The following DAB1 variants were observed in gnomAD, a reference collection of about 807,000 sequenced individuals.
DAB1 encodes DAB adaptor protein 1.
In DAB1, 15 loss-of-function variants were observed where a neutral mutation model predicts 64.6. The observed-to-expected ratio is 0.23, with a 90% CI of 0.16 to 0.36. The LOEUF is 0.36. Among genes scored for constraint, DAB1 ranks in the 10% least tolerant of loss-of-function variants. The probability of loss-of-function intolerance (pLI) is 1.00; values close to 1 mark genes in which losing one functional copy is unlikely to be tolerated. For missense variants in DAB1, 596 were observed against 706.7 expected, an observed-to-expected ratio of 0.84 and a Z score of 1.78; for synonymous variants, 235 against 251.9, an observed-to-expected ratio of 0.93 and a Z score of 0.64.
intron 2 of DAB1, among the ~76,000 whole-genome samples, chr1:57,221,598 C>T (rs1254624898): frequency 6.6e-6 from 1 of 152,152 alleles, no homozygotes; most frequent in Non-Finnish European, 1.5e-5. Context: ...TGCATGACTT[C>T]TAGAGACCAT....
intron 1 of DAB1, among the ~76,000 whole-genome samples, chr1:57,320,802 G>A (rs1675649555): frequency 6.6e-6 from 1 of 151,972 alleles, no homozygotes; most frequent in Non-Finnish European, 1.5e-5. Context: ...AACCCTATGT[G>A]GTAGTTATTA....
intron 4 of DAB1, among the ~76,000 whole-genome samples, chr1:58,153,181 G>T (rs1655039359): frequency 6.6e-6 from 1 of 152,158 alleles, no homozygotes; most frequent in Non-Finnish European, 1.5e-5. Context: ...TCTCATTCAT[G>T]CCTTTACCCC....
intron 9 of DAB1, among the ~76,000 whole-genome samples, chr1:57,058,280 G>C (rs907848224): frequency 6.6e-6 from 1 of 152,188 alleles, no homozygotes; most frequent in Non-Finnish European, 1.5e-5. Flanking sequence ...AGTGGAAGAA[G>C]GGCCAGGCAA....
intron 1 of DAB1, among the ~76,000 whole-genome samples, chr1:57,830,509 T>C (rs1026671393): frequency 1.3e-5 from 2 of 152,172 alleles, no homozygotes; most frequent in African/African-American, 2.4e-5. Context: ...CAAACACTTC[T>C]CTGAACAGCA....
At chr1:57,085,459 C>T (rs1652976836) in intron 4 of DAB1, among the ~76,000 whole-genome samples, 1 of 152,188 alleles carries the variant, frequency 6.6e-6, no homozygotes, top group South Asian at 2.1e-4. Context: ...CTCTGATGTG[C>T]CCCCAGGACT....
intron 5 of DAB1, among the ~76,000 whole-genome samples, chr1:58,009,498 T>G (rs1455757928): frequency 6.6e-6 from 1 of 152,196 alleles, no homozygotes; most frequent in Admixed American, 6.6e-5. Flanking sequence ...AGTATATGAT[T>G]GCTTTTAGGA....
chr1:58,498,039 C>T (rs963230880), intron 3 of DAB1, among the ~76,000 whole-genome samples: 3 of 152,000 alleles, frequency 2.0e-5, no homozygotes, highest in African/African-American at 7.3e-5. Context: ...TTATTTTCTC[C>T]TCCCCTATAA....
rs187125777 is a variant in DAB1 at position 57,533,007 on chromosome 1, A to C, written n.625+116585T>G. On this transcript the variant is annotated intron_variant and non_coding_transcript_variant, in intron 7 of 20. Coordinates refer to the DAB1 transcript ENST00000485760. ...ACTCTATGATGACTTATAACTTGCCAAAAATGTACACACAGTTCATGAGGG... is the reference window on the plus strand; with the variant it reads ...ACTCTATGATGACTTATAACTTGCCCAAAATGTACACACAGTTCATGAGGG... Among the ~76,000 whole-genome samples the C allele has an allele frequency of 5.1e-4, 77 of 152,294 alleles. 2 individuals carry two copies. Among genetic ancestry groups the C allele is most frequent in the Admixed American group, 4.9e-3 (75 of 15,286 alleles).
intron 1 of DAB1, among the ~76,000 whole-genome samples, chr1:57,372,960 T>C (rs912643569): frequency 6.6e-6 from 1 of 151,840 alleles, no homozygotes; most frequent in African/African-American, 2.4e-5. Flanking sequence ...GAGGATCATT[T>C]GAGTCCAGGA....
chr1:57,127,505 G>A (rs1657228991), intron 4 of DAB1, among the ~76,000 whole-genome samples: 1 of 152,158 alleles, frequency 6.6e-6, no homozygotes, highest in South Asian at 2.1e-4. Context: ...TTCTAACAGA[G>A]TATATTATTT....
intron 7 of DAB1, among the ~76,000 whole-genome samples, chr1:57,636,460 A>G (rs1251655909): frequency 6.6e-6 from 1 of 152,100 alleles, no homozygotes; most frequent in Non-Finnish European, 1.5e-5. Flanking sequence ...TTGAAAGGAT[A>G]CTCTTGTGTG....
intron 1 of DAB1, among the ~76,000 whole-genome samples, chr1:57,401,514 T>G (rs1427894588): frequency 6.6e-6 from 1 of 152,184 alleles, no homozygotes; most frequent in Non-Finnish European, 1.5e-5. Flanking sequence ...TGGAGAGAGC[T>G]TAGGTCTGGG....
intron 4 of DAB1, among the ~76,000 whole-genome samples, chr1:58,306,934 C>G (rs1662322200): frequency 6.6e-6 from 1 of 152,162 alleles, no homozygotes; most frequent in South Asian, 2.1e-4. Flanking sequence ...TATGGGAGAA[C>G]CAAACTAAGA....
chr1:57,077,950 G>A (rs923933762), intron 4 of DAB1, among the ~76,000 whole-genome samples: 1 of 152,068 alleles, frequency 6.6e-6, no homozygotes, highest in Admixed American at 6.6e-5. Flanking sequence ...GAAAAGCAGA[G>A]AGACACAGAA....
intron 7 of DAB1, among the ~76,000 whole-genome samples, chr1:57,493,607 T>G (rs190897424): frequency 5.9e-5 from 9 of 152,310 alleles, no homozygotes; most frequent in Non-Finnish European, 1.2e-4. Context: ...GGTGTATGGA[T>G]GGAGCTGTGT....
At chr1:58,372,500 G>GTTAC (rs1217624189) in intron 3 of DAB1, among the ~76,000 whole-genome samples, 1 of 152,172 alleles carries the variant, frequency 6.6e-6, no homozygotes, top group African/African-American at 2.4e-5. Context: ...GGACTTCTGA[G>GTTAC]TTACTGCTGG....
intron 1 of DAB1, among the ~76,000 whole-genome samples, chr1:57,853,158 C>T (rs750512305): frequency 9.9e-5 from 15 of 151,634 alleles, no homozygotes; most frequent in African/African-American, 1.5e-4. Flanking sequence ...TGAGGAAGAA[C>T]TTCTGTGTGG....
chr1:57,402,274 C>A (rs1683307098), intron 1 of DAB1, among the ~76,000 whole-genome samples: 1 of 152,078 alleles, frequency 6.6e-6, no homozygotes, highest in Admixed American at 6.5e-5. Flanking sequence ...TAAGGCTGAG[C>A]AAGAGCAGTA....
chr1:58,225,633 T>TA (rs36193866), intron 4 of DAB1, among the ~76,000 whole-genome samples: 1 of 151,622 alleles, frequency 6.6e-6, no homozygotes, highest in African/African-American at 2.4e-5. Context: ...TATGCAGCCA[T>TA]AAAAAAGGAT....
Sources: gnomAD v4.1 joint callset for allele counts (sites outside exome capture counted in the v4.1 genomes callset) on GRCh38, gnomAD v4.1.1 for gene constraint, MANE v1.5 for transcripts, NCBI Gene and HGNC (gene_info 2026-07-23, HGNC 2026-07-21) for gene names.